The following NEGR1 variants were observed in gnomAD, a reference collection of about 807,000 sequenced individuals.
The protein encoded by NEGR1 is IgLON family member 4.
NEGR1 carries 10 observed loss-of-function variants against 40.9 expected under a neutral mutation model. That is an observed-to-expected ratio of 0.24 (90% confidence interval 0.15 to 0.42). The LOEUF (loss-of-function observed/expected upper bound fraction) is 0.42, where lower values mean the gene tolerates loss of function less well. Ranked by LOEUF, NEGR1 falls within the 10% of genes least tolerant of loss-of-function variation. NEGR1 has a pLI of 1.00. For missense variants in NEGR1, 352 were observed against 438.9 expected, an observed-to-expected ratio of 0.80 and a Z score of 1.77; for synonymous variants, 185 against 166.8, an observed-to-expected ratio of 1.11 and a Z score of -0.84.
chr1:71,672,885 G>A (rs1652482169), intron 4 of NEGR1, among the ~76,000 whole-genome samples: 1 of 152,114 alleles, frequency 6.6e-6, no homozygotes, highest in Non-Finnish European at 1.5e-5. Context: ...AACACCTAAC[G>A]GCTTGGCGGG....
chr1:71,666,811 AT>A (rs1012260425), intron 4 of NEGR1, among the ~76,000 whole-genome samples: 1 of 152,060 alleles, frequency 6.6e-6, no homozygotes, highest in Non-Finnish European at 1.5e-5. Context: ...ATTTTGAATG[AT>A]TTTTTTAAGT....
At chr1:71,741,231 T>G (rs1222346314) in intron 3 of NEGR1, among the ~76,000 whole-genome samples, 2 of 152,190 alleles carry the variant, frequency 1.3e-5, no homozygotes, top group Non-Finnish European at 2.9e-5. Context: ...CTGCAGAACA[T>G]GGTACAAAGT....
At chr1:71,993,937 C>A (rs1442161226) in intron 1 of NEGR1, among the ~76,000 whole-genome samples, 1 of 152,044 alleles carries the variant, frequency 6.6e-6, no homozygotes, top group Non-Finnish European at 1.5e-5. Flanking sequence ...CCAACCAGGG[C>A]CCCAGGAATA....
intron 6 of NEGR1, among the ~76,000 whole-genome samples, chr1:71,435,498 A>G (rs1185448399): frequency 3.3e-5 from 5 of 152,186 alleles, no homozygotes; most frequent in Non-Finnish European, 5.9e-5. Context: ...CTGTCTGTAC[A>G]GGTTTTTAAT....
intron 4 of NEGR1, among the ~76,000 whole-genome samples, chr1:71,692,208 G>A (rs554837928): frequency 1.3e-5 from 2 of 151,756 alleles, no homozygotes; most frequent in East Asian, 1.9e-4. Context: ...CATTGGAGAT[G>A]TTATAGGAAC....
At chr1:72,020,854 G>C (rs1468486270) in intron 1 of NEGR1, among the ~76,000 whole-genome samples, 2 of 152,234 alleles carry the variant, frequency 1.3e-5, no homozygotes, top group Middle Eastern at 3.4e-3. Flanking sequence ...TATAATTATA[G>C]TGGAAGATGT....
intron 3 of NEGR1, among the ~76,000 whole-genome samples, chr1:71,723,683 T>G (rs987359619): frequency 2.6e-5 from 4 of 152,066 alleles, no homozygotes; most frequent in Non-Finnish European, 5.9e-5. Context: ...TATAATAAAT[T>G]GAAGTGCCTT....
chr1:71,551,633 C>T (rs1557563728), intron 6 of NEGR1, among the ~76,000 whole-genome samples: 1 of 151,568 alleles, frequency 6.6e-6, no homozygotes, highest in Non-Finnish European at 1.5e-5. Context: ...CCCTTTCCCA[C>T]CCGTGGTAGA....
intron 2 of NEGR1, among the ~76,000 whole-genome samples, chr1:71,846,112 C>T (rs2101807240): frequency 6.6e-6 from 1 of 152,042 alleles, no homozygotes; most frequent in African/African-American, 2.4e-5. Flanking sequence ...CTCTGTTATT[C>T]TCTCTCCTGC....
chr1:71,744,746 A>C (rs922969675), intron 3 of NEGR1, among the ~76,000 whole-genome samples: 1 of 152,182 alleles, frequency 6.6e-6, no homozygotes, highest in South Asian at 2.1e-4. Flanking sequence ...TTAGTTTTTT[A>C]AGAAAAAATT....
At chr1:71,897,997 G>A (rs1661018806) in intron 2 of NEGR1, among the ~76,000 whole-genome samples, 1 of 152,032 alleles carries the variant, frequency 6.6e-6, no homozygotes, top group Non-Finnish European at 1.5e-5. Context: ...TTTACTTTAC[G>A]GATAGTATTT....
chr1:71,519,739 AAAAAATTAAAAAAAAAC>A (rs1380704763), intron 6 of NEGR1, among the ~76,000 whole-genome samples: 2 of 149,552 alleles, frequency 1.3e-5, no homozygotes, highest in African/African-American at 5.1e-5. Context: ...TAAAAAAAAA[AAAAAATTAAAAAAAAAC>A]AAAAAAAGAT....
At chr1:72,010,128 G>T (rs776245997) in intron 1 of NEGR1, among the ~76,000 whole-genome samples, 1 of 152,122 alleles carries the variant, frequency 6.6e-6, no homozygotes, top group Non-Finnish European at 1.5e-5. Flanking sequence ...TGGAGAAAAG[G>T]AAGGGACAAG....
At chr1:71,766,083 A>G (rs971667395) in intron 3 of NEGR1, among the ~76,000 whole-genome samples, 4 of 151,794 alleles carry the variant, frequency 2.6e-5, no homozygotes, top group African/African-American at 9.7e-5. Context: ...CTGAGGCAGG[A>G]AAATGCTTGA....
intron 6 of NEGR1, among the ~76,000 whole-genome samples, chr1:71,547,166 G>T (rs2101464518): frequency 6.6e-6 from 1 of 151,818 alleles, no homozygotes; most frequent in East Asian, 2.0e-4. Context: ...AGCTAAAGTA[G>T]GAAGAGGAAA....
chr1:71,428,304 C>G (rs1011692958), intron 6 of NEGR1, among the ~76,000 whole-genome samples: 1 of 152,172 alleles, frequency 6.6e-6, no homozygotes, highest in Non-Finnish European at 1.5e-5. Flanking sequence ...GAAGATTTCA[C>G]ACCTGCTATA....
chr1:72,238,823 A>G (rs976254049), intron 1 of NEGR1, among the ~76,000 whole-genome samples: 1 of 151,954 alleles, frequency 6.6e-6, no homozygotes, highest in Non-Finnish European at 1.5e-5. Flanking sequence ...AAATGCAAAG[A>G]AGGCATAGAA....
chr1:71,993,671 T>C (rs1174048641), intron 1 of NEGR1, among the ~76,000 whole-genome samples: 1 of 152,214 alleles, frequency 6.6e-6, no homozygotes, highest in Admixed American at 6.5e-5. Context: ...CCACAAAATG[T>C]GTTAAACATA....
chr1:71,916,720 C>T (rs942991287), intron 2 of NEGR1, among the ~76,000 whole-genome samples: 3 of 152,156 alleles, frequency 2.0e-5, no homozygotes, highest in African/African-American at 7.2e-5. Context: ...TGCACCATTG[C>T]ACTCCAGCCT....
Sources: gnomAD v4.1 joint callset for allele counts (sites outside exome capture counted in the v4.1 genomes callset) on GRCh38, gnomAD v4.1.1 for gene constraint, MANE v1.5 for transcripts, NCBI Gene and HGNC (gene_info 2026-07-23, HGNC 2026-07-21) for gene names.